The following SIGLECL1 variants were observed in gnomAD, a reference collection of about 807,000 sequenced individuals.
The protein encoded by SIGLECL1 is SIGLEC family-like protein 1.
In SIGLECL1, 16 loss-of-function variants were observed where a neutral mutation model predicts 19.1. The ratio of observed to expected loss-of-function variants is 0.84; its 90% confidence interval spans 0.57 to 1.27. SIGLECL1 has a LOEUF of 1.27. Among genes scored for constraint, SIGLECL1 ranks in the 50% most tolerant of loss-of-function variants. The pLI is 0.00. For synonymous variants in SIGLECL1, 89 were observed against 90.4 expected, an observed-to-expected ratio of 0.98 and a Z score of 0.09; for missense variants, 210 against 239.4, an observed-to-expected ratio of 0.88 and a Z score of 0.81.
intron 1 of SIGLECL1, among the ~76,000 whole-genome samples, chr19:51,260,487 G>C (rs1983134256): frequency 6.6e-6 from 1 of 151,972 alleles, no homozygotes; most frequent in South Asian, 2.1e-4. Context: ...CTGTTTACTG[G>C]CATTTGGATT....
chr19:51,267,630 G>T, intron 5 of SIGLECL1, 101 bp downstream of exon 5: 1 of 1,363,820 alleles, frequency 7.3e-7, no homozygotes, highest in Non-Finnish European at 1.0e-6. Context: ...ATCATCCTCA[G>T]TCTTGCAGGA....
intron 4 of SIGLECL1, among the ~76,000 whole-genome samples, chr19:51,266,180 C>T (rs1983655580): frequency 6.6e-6 from 1 of 152,036 alleles, no homozygotes; most frequent in Admixed American, 6.6e-5. Context: ...CTGTGGTGGG[C>T]CTGCAAGGGT....
chr19:51,249,407 T>C (rs376269280), upstream of SIGLECL1, among the ~76,000 whole-genome samples: 35 of 151,892 alleles, frequency 2.3e-4, no homozygotes, highest in East Asian at 5.4e-3. Context: ...CTGCAAGCTG[T>C]AAGGGCCATG....
At chr19:51,260,520 AAAT>A (rs986387544) in intron 1 of SIGLECL1, among the ~76,000 whole-genome samples, 72 of 152,258 alleles carry the variant, frequency 4.7e-4, no homozygotes, top group African/African-American at 1.7e-3. Context: ...AGCTATTTTT[AAAT>A]AATACCACTG....
chr19:51,249,762 A>G (rs1461954279), upstream of SIGLECL1, among the ~76,000 whole-genome samples: 2 of 152,228 alleles, frequency 1.3e-5, no homozygotes, highest in Admixed American at 6.5e-5. Flanking sequence ...GGATTCTTGT[A>G]TCTCTTGCAA....
At chr19:51,266,194 G>T (rs1983656635) in intron 4 of SIGLECL1, among the ~76,000 whole-genome samples, 1 of 152,156 alleles carries the variant, frequency 6.6e-6, no homozygotes. Context: ...CAAGGGTTCA[G>T]TACTCGTTAG....
chr19:51,261,284 GTTTTTTCT>G (rs1555744974), intron 1 of SIGLECL1, among the ~76,000 whole-genome samples: 6 of 151,926 alleles, frequency 3.9e-5, no homozygotes, highest in Non-Finnish European at 5.9e-5. Context: ...TCATTCTTTG[GTTTTTTCT>G]TTTTTTCTTT....
At chr19:51,262,108 A>G (rs1983276914) in intron 1 of SIGLECL1, among the ~76,000 whole-genome samples, 1 of 152,158 alleles carries the variant, frequency 6.6e-6, no homozygotes, top group African/African-American at 2.4e-5. Flanking sequence ...TGTCCTCCTT[A>G]ATGGTATCTT....
chr19:51,256,608 A>T (rs970926266), intron 1 of SIGLECL1, among the ~76,000 whole-genome samples: 1 of 152,208 alleles, frequency 6.6e-6, no homozygotes, highest in African/African-American at 2.4e-5. Flanking sequence ...CATGGTGACT[A>T]TGGTAAATAA....
chr19:51,247,480 G>A (rs1272060824), upstream of SIGLECL1, among the ~76,000 whole-genome samples: 1 of 151,574 alleles, frequency 6.6e-6, no homozygotes, highest in Non-Finnish European at 1.5e-5. Context: ...GTGCACTGGT[G>A]TGATCTTGGC....
intron 5 of SIGLECL1, among the ~76,000 whole-genome samples, 194 bp downstream of exon 5, chr19:51,267,723 A>C (rs2123460275): frequency 1.3e-5 from 2 of 152,304 alleles, no homozygotes; most frequent in South Asian, 4.1e-4. Flanking sequence ...AAGTTAAGAG[A>C]AACAATTTAA....
intron 5 of SIGLECL1, 44 bp from the exon 6 acceptor site, chr19:51,268,527 C>CCAA: frequency 6.2e-7 from 1 of 1,610,500 alleles, no homozygotes; most frequent in Non-Finnish European, 8.5e-7. Flanking sequence ...TAGACCTGTT[C>CCAA]CAACATTCTT....
At chr19:51,252,186 A>C (rs1982530351) in intron 1 of SIGLECL1, among the ~76,000 whole-genome samples, 1 of 151,796 alleles carries the variant, frequency 6.6e-6, no homozygotes, top group African/African-American at 2.4e-5. Flanking sequence ...AGTCCCAGCT[A>C]CTCGGGAGGC....
Position 51,264,069 on chromosome 19 carries a change from A to G in SIGLECL1, c.-4A>G, listed in dbSNP as rs1311725335. ...GTTCCTGAGAACTGTTGCTGCTGGA[A>G]GTGATGCTTCCACTGCTACAGCTGG... is the stretch of plus-strand genomic sequence containing the variant. On this transcript the variant is annotated 5_prime_UTR_variant, in exon 2 of 6. Coordinates refer to ENST00000601727, the MANE Select transcript of SIGLECL1 (RefSeq NM_001385465.1). 6.2e-7 allele frequency: 1 copy of G among 1,614,046 alleles called. No individual in the cohort carries two copies. The highest frequency in any genetic ancestry group is 8.5e-7 in the Non-Finnish European group (1 of 1,179,958).
upstream of SIGLECL1, among the ~76,000 whole-genome samples, chr19:51,247,502 T>C (rs12461282): frequency 0.13 from 19,908 of 151,758 alleles, 1,972 homozygotes; most frequent in East Asian, 0.32. Context: ...CACTGCAACC[T>C]CCACCTCCTG....
chr19:51,264,022 A>G lies in SIGLECL1; in HGVS notation c.-51A>G. 1 of 1,610,244 alleles carries G rather than the reference A, an allele frequency of 6.2e-7. No individual in the cohort carries two copies. The highest frequency in any genetic ancestry group is 1.7e-5 in the Admixed American group (1 of 59,792). ...ACCATATGGTTCTGATGTCAGAGCC[A>G]GTGTAGTAAAGAGCTTCTGCTGTTC... On this transcript the variant is annotated 5_prime_UTR_variant, in exon 2 of 6. Coordinates refer to ENST00000601727, the MANE Select transcript of SIGLECL1 (RefSeq NM_001385465.1).
At chr19:51,249,015 T>G (rs273645), upstream of SIGLECL1, among the ~76,000 whole-genome samples, 100,156 of 151,958 alleles carry the variant, frequency 0.66, 34,464 homozygotes, top group African/African-American at 0.85. Flanking sequence ...CATGGGGTAA[T>G]GTTTGGGAAA....
At chr19:51,253,297 T>C (rs1982608046) in intron 1 of SIGLECL1, among the ~76,000 whole-genome samples, 1 of 152,118 alleles carries the variant, frequency 6.6e-6, no homozygotes, top group South Asian at 2.1e-4. Context: ...AATGAGCAAG[T>C]AGGCCTAGAG....
At position 51,254,301 on chromosome 19, in the gene SIGLECL1, C is replaced by T. The variant is rs555568814; in HGVS notation, c.-191+2756C>T. On this transcript the variant is annotated intron_variant, in intron 1 of 5. Transcript: ENST00000601727. ...CTGTGATTGTACCACTGCACACCAGCCAGGGTGACAGGGTGAGACTCCATC... is the reference window on the plus strand; with the variant it reads ...CTGTGATTGTACCACTGCACACCAGTCAGGGTGACAGGGTGAGACTCCATC... Among the ~76,000 whole-genome samples, 36 of 150,170 alleles carry T rather than the reference C, an allele frequency of 2.4e-4. No individual in the cohort carries two copies. In the South Asian group the frequency reaches 4.0e-3, roughly 17 times the overall value.
Sources: gnomAD v4.1 joint callset for allele counts (sites outside exome capture counted in the v4.1 genomes callset) on GRCh38, gnomAD v4.1.1 for gene constraint, MANE v1.5 for transcripts, NCBI Gene and HGNC (gene_info 2026-07-23, HGNC 2026-07-21) for gene names.